GALNT17: variants seen among roughly 807,000 people sequenced by gnomAD.
GALNT17 encodes polypeptide N-acetylgalactosaminyltransferase 17.
GALNT17 carries 29 observed loss-of-function variants against 63.7 expected under a neutral mutation model. That is an observed-to-expected ratio of 0.46 (90% CI 0.34 to 0.62). GALNT17 has a LOEUF of 0.62. Ranked by LOEUF, GALNT17 falls within the 20% of genes least tolerant of loss-of-function variation. The probability of loss-of-function intolerance (pLI) is 0.01; values close to 1 mark genes in which losing one functional copy is unlikely to be tolerated. For missense variants in GALNT17, 603 were observed against 799.6 expected, an observed-to-expected ratio of 0.75 and a Z score of 2.97; for synonymous variants, 305 against 318.3, an observed-to-expected ratio of 0.96 and a Z score of 0.45.
intron 5 of GALNT17, among the ~76,000 whole-genome samples, chr7:71,542,887 G>C (rs916432376): frequency 1.3e-5 from 2 of 151,978 alleles, no homozygotes; most frequent in African/African-American, 4.8e-5. Context: ...AACCTCATCA[G>C]ATTTAAGATC....
chr7:71,507,098 AG>A (rs976808143), intron 5 of GALNT17, among the ~76,000 whole-genome samples: 58 of 152,268 alleles, frequency 3.8e-4, no homozygotes, highest in African/African-American at 1.3e-3. Context: ...AGCTGGGCAT[AG>A]TGGTGCACAC....
intron 1 of GALNT17, among the ~76,000 whole-genome samples, chr7:71,241,293 A>G (rs1789991322): frequency 6.6e-6 from 1 of 152,170 alleles, no homozygotes; most frequent in Non-Finnish European, 1.5e-5. Flanking sequence ...CCCTGGGGAT[A>G]AACATCAACT....
chr7:71,641,759 A>G (rs1347675871), intron 6 of GALNT17, among the ~76,000 whole-genome samples: 2 of 152,154 alleles, frequency 1.3e-5, no homozygotes, highest in Non-Finnish European at 2.9e-5. Flanking sequence ...AATGAAATAA[A>G]ATAATGCACA....
At chr7:71,197,922 G>A (rs980050621) in intron 1 of GALNT17, among the ~76,000 whole-genome samples, 1 of 152,010 alleles carries the variant, frequency 6.6e-6, no homozygotes, top group Non-Finnish European at 1.5e-5. Flanking sequence ...TGCAGGCCAG[G>A]CACGGTGACT....
chr7:71,564,892 C>T (rs556904649), intron 5 of GALNT17, among the ~76,000 whole-genome samples: 12 of 152,244 alleles, frequency 7.9e-5, no homozygotes, highest in Middle Eastern at 3.4e-3. Flanking sequence ...GAGGGGACTC[C>T]GGGCAAGTCA....
rs770848151 is a variant in GALNT17 at position 71,388,402 on chromosome 7, G to A, written c.589+1G>A. 6.2e-7 allele frequency: 1 copy of A among 1,613,654 alleles called. No individual in the cohort carries two copies. The highest frequency in any genetic ancestry group is 1.1e-5 in the South Asian group (1 of 90,960). On this transcript the variant is annotated splice_donor_variant, in intron 3 of 10. Coordinates refer to ENST00000333538, the MANE Select transcript of GALNT17 (RefSeq NM_022479.3). LOFTEE classifies it high-confidence loss of function. ...CTGGTGGATGACAACAGCGACGAAG[G>A]TACAGGGGTGGCTGACCTGTGCACA...
chr7:71,660,543 G>A (rs56976691), intron 6 of GALNT17, among the ~76,000 whole-genome samples: 5,024 of 152,272 alleles, frequency 0.033, 287 homozygotes, highest in African/African-American at 0.11. Flanking sequence ...TAGATCCGCA[G>A]GACCCTTTCT....
chr7:71,705,870 G>A (rs891612723), intron 9 of GALNT17, among the ~76,000 whole-genome samples: 1 of 152,168 alleles, frequency 6.6e-6, no homozygotes, highest in African/African-American at 2.4e-5. Context: ...CAAAGACTTA[G>A]AGGCAGGAAA....
chr7:71,454,294 G>C (rs1389425828), intron 5 of GALNT17, among the ~76,000 whole-genome samples: 2 of 152,098 alleles, frequency 1.3e-5, no homozygotes, highest in Non-Finnish European at 1.5e-5. Flanking sequence ...TCATTGTTCA[G>C]CTCCCACTTA....
In GALNT17 at chr7:71,490,994, G is replaced by T. The variant is rs1049526255; in HGVS notation, c.962+69889G>T. Among the ~76,000 whole-genome samples the T allele has an allele frequency of 9.9e-5, 15 of 152,208 alleles. No individual in the cohort carries two copies. In the East Asian group the frequency reaches 2.3e-3, roughly 24 times the overall value. On this transcript the variant is annotated intron_variant, in intron 5 of 10. Coordinates refer to ENST00000333538, the MANE Select transcript of GALNT17 (RefSeq NM_022479.3). ...GGATCACCTGAGGTTGGGAATTCGA[G>T]ACCAGCCTGACCAATATGGAGAAAC...
At position 71,273,861 on chromosome 7, in the gene GALNT17, G is replaced by A. The variant is rs1238933884; in HGVS notation, c.239-61689G>A. On this transcript the variant is annotated intron_variant, in intron 1 of 10. Transcript: ENST00000333538. ...ATAATGTGTGTGTGTGTGTGAGAGA[G>A]AGAGAGAGAGAGAGAGAATGAGAGA... Among the ~76,000 whole-genome samples, 5 of 152,142 alleles carry A rather than the reference G, an allele frequency of 3.3e-5. No homozygotes were observed. The East Asian group carries it at 9.6e-4, about 29-fold the overall frequency.
intron 9 of GALNT17, among the ~76,000 whole-genome samples, chr7:71,701,831 A>ATATATATACG: frequency 2.3e-5 from 1 of 44,052 alleles, no homozygotes; most frequent in African/African-American, 8.2e-5. Flanking sequence ...ATATATACAC[A>ATATATATACG]TATATATATG....
At chr7:71,689,546 T>C (rs546056021) in intron 9 of GALNT17, among the ~76,000 whole-genome samples, 2 of 152,178 alleles carry the variant, frequency 1.3e-5, no homozygotes, top group South Asian at 4.2e-4. Flanking sequence ...CTGAAAGAAG[T>C]GAGGAAGCTA....
intron 5 of GALNT17, among the ~76,000 whole-genome samples, chr7:71,484,698 A>AAACTTCAT (rs2116653224): frequency 6.6e-6 from 1 of 151,928 alleles, no homozygotes; most frequent in East Asian, 1.9e-4. Flanking sequence ...TCATTAACCC[A>AAACTTCAT]AACTTCATTA....
chr7:71,312,257 T>C (rs1287601706), intron 1 of GALNT17, among the ~76,000 whole-genome samples: 2 of 152,184 alleles, frequency 1.3e-5, no homozygotes, highest in Non-Finnish European at 2.9e-5. Flanking sequence ...TCAATAAAAG[T>C]TGCAACACCA....
chr7:71,605,591 A>G (rs1469417770), intron 6 of GALNT17, among the ~76,000 whole-genome samples: 3 of 151,974 alleles, frequency 2.0e-5, no homozygotes, highest in Non-Finnish European at 4.4e-5. Context: ...TCTCAAAAAA[A>G]AAAAAAAAGA....
chr7:71,291,559 G>C (rs1343558386), intron 1 of GALNT17, among the ~76,000 whole-genome samples: 1 of 152,000 alleles, frequency 6.6e-6, no homozygotes, highest in Non-Finnish European at 1.5e-5. Flanking sequence ...TTATTGCCAG[G>C]GTTATTCCTG....
rs568457006 is a variant in GALNT17 at position 71,566,664 on chromosome 7, CTT to C, written c.963-4604_963-4603del. Among the ~76,000 whole-genome samples the C allele has an allele frequency of 8.1e-3, 1,067 of 131,510 alleles. 10 individuals are homozygous for C. Among genetic ancestry groups the C allele is most frequent in the African/African-American group, 0.022 (771 of 35,474 alleles). The allele number at this position is 131,510 out of a possible 152,430, so 86.3% of individuals were successfully genotyped here. ...TTCCTCTTCTAGCTGCGAGATAAAG[CTT>C]TTTTTTTTTTTTTTTTCCTGCTCTG... On this transcript the variant is annotated intron_variant, in intron 5 of 10. Coordinates refer to ENST00000333538, the MANE Select transcript of GALNT17 (RefSeq NM_022479.3).
intron 1 of GALNT17, among the ~76,000 whole-genome samples, chr7:71,145,419 G>T (rs940312424): frequency 6.6e-6 from 1 of 152,146 alleles, no homozygotes; most frequent in Non-Finnish European, 1.5e-5. Flanking sequence ...TCTCTTTTGA[G>T]CCCGGGAGTT....
Sources: allele counts gnomAD v4.1 joint callset (sites outside exome capture counted in the v4.1 genomes callset), GRCh38; gene constraint gnomAD v4.1.1; transcripts MANE v1.5; gene names NCBI Gene and HGNC (gene_info 2026-07-23, HGNC 2026-07-21).